The following PHLPP1 variants were observed in gnomAD, a reference collection of about 807,000 sequenced individuals.
The protein encoded by PHLPP1 is PH domain leucine-rich repeat-containing protein phosphatase 1.
A neutral mutation model predicts 117.2 loss-of-function variants in PHLPP1; 42 were observed. The observed-to-expected ratio is 0.36, with a 90% CI of 0.28 to 0.46. The LOEUF (loss-of-function observed/expected upper bound fraction) is 0.46. Among genes scored for constraint, PHLPP1 ranks in the 20% least tolerant of loss-of-function variants. The pLI is 1.00. For synonymous variants in PHLPP1, 1,042 were observed against 970.7 expected (o/e 1.07, Z -1.37); for missense variants, 2,084 against 2,241.9 (o/e 0.93, Z 1.42).
intron 1 of PHLPP1, among the ~76,000 whole-genome samples, chr18:62,804,175 G>A (rs114112703): frequency 3.5e-4 from 54 of 152,216 alleles, no homozygotes; most frequent in African/African-American, 9.9e-4. Context: ...AAGTGAACAG[G>A]GAAGAGCCCC....
chr18:62,924,428 G>A (rs1909564146), intron 10 of PHLPP1, among the ~76,000 whole-genome samples: 1 of 152,112 alleles, frequency 6.6e-6, no homozygotes, highest in East Asian at 1.9e-4. Flanking sequence ...AGAAGCATGT[G>A]TTGTTGGACA....
chr18:62,902,145 T>C (rs34757888), intron 6 of PHLPP1, among the ~76,000 whole-genome samples: 10,083 of 152,258 alleles, frequency 0.066, 472 homozygotes, highest in Non-Finnish European at 0.098. Context: ...TGATAGTTCA[T>C]CCACAGCAAC....
intron 1 of PHLPP1, among the ~76,000 whole-genome samples, chr18:62,760,102 C>T (rs1032895792): frequency 7.9e-5 from 12 of 152,294 alleles, no homozygotes; most frequent in African/African-American, 2.6e-4. Context: ...GGGATGGATA[C>T]TAGTGGTCTA....
intron 1 of PHLPP1, among the ~76,000 whole-genome samples, chr18:62,773,777 G>A (rs1240771073): frequency 6.6e-6 from 1 of 152,178 alleles, no homozygotes; most frequent in Non-Finnish European, 1.5e-5. Flanking sequence ...AAATATCATA[G>A]AATGTGTGGT....
rs555343372 is a variant in PHLPP1, at chr18:62,725,861, T to C, written c.1576+8602T>C. ...TTCCCCAAAGATTACTGTTCAATTT[T>C]AAATGAGTAAAGGAACTTTTAAAAA... On this transcript the variant is annotated intron_variant, in intron 1 of 16. Coordinates refer to ENST00000262719, the MANE Select transcript of PHLPP1 (RefSeq NM_194449.4). 2.0e-5 allele frequency among the ~76,000 whole-genome samples: 3 copies of C among 152,344 alleles called. No individual in the cohort carries two copies. The East Asian group carries it at 5.8e-4, about 29-fold the overall frequency.
At chr18:62,812,100 A>G (rs908834107) in intron 1 of PHLPP1, among the ~76,000 whole-genome samples, 4 of 152,178 alleles carry the variant, frequency 2.6e-5, no homozygotes, top group South Asian at 2.1e-4. Flanking sequence ...TGGGACTTAT[A>G]TGATTGTAGG....
chr18:62,894,878 C>G, intron 4 of PHLPP1, 133 bp from the exon 5 acceptor site: 1 of 657,262 alleles, frequency 1.5e-6, no homozygotes, highest in Non-Finnish European at 2.6e-6. Context: ...TGCTCCTTAA[C>G]CTCTCTGGGG....
intron 4 of PHLPP1, among the ~76,000 whole-genome samples, chr18:62,880,934 C>T (rs3937009): frequency 0.48 from 73,639 of 151,990 alleles, 17,926 homozygotes; most frequent in Middle Eastern, 0.57. Flanking sequence ...CCTCCCTCTC[C>T]ACCATAGGCA....
intron 4 of PHLPP1, among the ~76,000 whole-genome samples, chr18:62,869,366 A>G (rs1418510493): frequency 6.6e-6 from 1 of 152,188 alleles, no homozygotes; most frequent in Non-Finnish European, 1.5e-5. Flanking sequence ...AGAAGTATAA[A>G]AAAACATAGA....
At chr18:62,861,910 T>C (rs76993369) in intron 4 of PHLPP1, among the ~76,000 whole-genome samples, 336 of 152,354 alleles carry the variant, frequency 2.2e-3, no homozygotes, top group African/African-American at 7.5e-3. Flanking sequence ...TAAGATCCAT[T>C]GATCTGACTT....
chr18:62,820,520 G>A (rs1424384185), intron 1 of PHLPP1, among the ~76,000 whole-genome samples: 1 of 152,138 alleles, frequency 6.6e-6, no homozygotes, highest in Non-Finnish European at 1.5e-5. Context: ...TGAATCATGG[G>A]GGCAGTTTCC....
chr18:62,868,185 A>G (rs1380565527), intron 4 of PHLPP1, among the ~76,000 whole-genome samples: 1 of 152,014 alleles, frequency 6.6e-6, no homozygotes, highest in Non-Finnish European at 1.5e-5. Context: ...TTTTCTTTTC[A>G]ATTTATGAGA....
intron 1 of PHLPP1, among the ~76,000 whole-genome samples, chr18:62,722,672 A>G (rs1910958100): frequency 6.6e-6 from 1 of 152,166 alleles, no homozygotes; most frequent in South Asian, 2.1e-4. Flanking sequence ...ATTAAACAAA[A>G]TCCACCATAT....
chr18:62,783,582 T>G (rs1169538658), intron 1 of PHLPP1, among the ~76,000 whole-genome samples: 3 of 152,226 alleles, frequency 2.0e-5, no homozygotes, highest in Non-Finnish European at 2.9e-5. Context: ...AAGAAGCTAT[T>G]GTGCAGCACT....
chr18:62,736,944 G>A (rs1236550136), intron 1 of PHLPP1, among the ~76,000 whole-genome samples: 1 of 152,202 alleles, frequency 6.6e-6, no homozygotes, highest in East Asian at 1.9e-4. Flanking sequence ...AGACAGAAGT[G>A]AGGAGGTATA....
intron 1 of PHLPP1, among the ~76,000 whole-genome samples, chr18:62,818,724 A>G (rs530455158): frequency 2.0e-5 from 3 of 152,340 alleles, no homozygotes; most frequent in East Asian, 3.8e-4. Context: ...TAAAAGACTT[A>G]TTTTAAAAAT....
At chr18:62,935,191 T>C (rs1347546807) in intron 10 of PHLPP1, among the ~76,000 whole-genome samples, 1 of 152,184 alleles carries the variant, frequency 6.6e-6, no homozygotes, top group African/African-American at 2.4e-5. Flanking sequence ...GTAGCAGGGA[T>C]ATAAAGTTAA....
chr18:62,871,765 C>T (rs1915909891), intron 4 of PHLPP1, among the ~76,000 whole-genome samples: 1 of 151,852 alleles, frequency 6.6e-6, no homozygotes, highest in Admixed American at 6.6e-5. Context: ...CTGCCTCAGC[C>T]TCCTGAGTAG....
At chr18:62,943,693 T>G (rs1910195183) in intron 11 of PHLPP1, among the ~76,000 whole-genome samples, 1 of 152,144 alleles carries the variant, frequency 6.6e-6, no homozygotes, top group Admixed American at 6.6e-5. Context: ...ATCAAGCCAT[T>G]CATGTGGTAT....
Sources: allele counts gnomAD v4.1 joint callset (sites outside exome capture counted in the v4.1 genomes callset), GRCh38; gene constraint gnomAD v4.1.1; transcripts MANE v1.5; gene names NCBI Gene and HGNC (gene_info 2026-07-23, HGNC 2026-07-21).